ZNF532: variants seen among roughly 807,000 people sequenced by gnomAD.
ZNF532 encodes zinc finger protein 532.
A neutral mutation model predicts 89.3 loss-of-function variants in ZNF532; 22 were observed. The observed-to-expected ratio is 0.25, with a 90% CI of 0.18 to 0.35. ZNF532 has a LOEUF of 0.35. Among genes scored for constraint, ZNF532 ranks in the 10% least tolerant of loss-of-function variants. The pLI is 1.00. For synonymous variants in ZNF532, 606 were observed against 649.6 expected (o/e 0.93, Z 1.02); for missense variants, 1,132 against 1,643.4 (o/e 0.69, Z 5.38).
intron 2 of ZNF532, among the ~76,000 whole-genome samples, chr18:58,903,254 C>A (rs1037104493): frequency 6.6e-6 from 1 of 152,064 alleles, no homozygotes; most frequent in South Asian, 2.1e-4. Flanking sequence ...CATTCCAGGT[C>A]AGAGGCTATC....
chr18:58,978,984 CA>C (rs765920081), intron 7 of ZNF532, 70 bp from the exon 8 acceptor site: 12 of 1,259,894 alleles, frequency 9.5e-6, no homozygotes, highest in Non-Finnish European at 1.1e-5. Context: ...TAAACTATTA[CA>C]AAAGAGTTCT....
chr18:58,905,418 T>A (rs1568285039), intron 2 of ZNF532, among the ~76,000 whole-genome samples: 2 of 151,104 alleles, frequency 1.3e-5, no homozygotes, highest in Non-Finnish European at 3.0e-5. Context: ...TTTTTTTTTT[T>A]AAGACAAGGT....
intron 2 of ZNF532, among the ~76,000 whole-genome samples, chr18:58,869,785 G>A (rs78888426): frequency 8.4e-6 from 1 of 119,080 alleles, no homozygotes; most frequent in Non-Finnish European, 1.6e-5. Context: ...TTTTTTTTTG[G>A]AGTTGGAGTC....
chr18:58,900,937 T>C (rs1430379563), intron 2 of ZNF532, among the ~76,000 whole-genome samples: 1 of 149,770 alleles, frequency 6.7e-6, no homozygotes, highest in South Asian at 2.1e-4. Context: ...CTATTTAAAT[T>C]AAAAAAAAAA....
intron 2 of ZNF532, among the ~76,000 whole-genome samples, chr18:58,870,806 T>TG (rs2144586416): frequency 6.6e-6 from 1 of 152,206 alleles, no homozygotes; most frequent in East Asian, 1.9e-4. Context: ...GGTGGCTGTC[T>TG]GGGGGTTGCT....
intron 2 of ZNF532, among the ~76,000 whole-genome samples, chr18:58,908,197 T>A (rs1022464939): frequency 9.9e-5 from 15 of 152,130 alleles, no homozygotes; most frequent in African/African-American, 3.6e-4. Context: ...AGGTGGAAAA[T>A]TTTTGGACAC....
At chr18:58,874,713 A>G (rs2057293174) in intron 2 of ZNF532, among the ~76,000 whole-genome samples, 1 of 152,308 alleles carries the variant, frequency 6.6e-6, no homozygotes, top group Admixed American at 6.5e-5. Context: ...GAGTGGCTGT[A>G]CTTTAGGTTG....
At chr18:58,944,625 C>G (rs1473031359) in intron 5 of ZNF532, among the ~76,000 whole-genome samples, 1 of 152,128 alleles carries the variant, frequency 6.6e-6, no homozygotes, top group Non-Finnish European at 1.5e-5. Flanking sequence ...GCTGCCCCTC[C>G]TCTCTGCCTG....
At chr18:58,870,436 C>T (rs936434723) in intron 2 of ZNF532, among the ~76,000 whole-genome samples, 3 of 152,078 alleles carry the variant, frequency 2.0e-5, no homozygotes, top group Admixed American at 6.6e-5. Flanking sequence ...ATGCAGCACA[C>T]GTGGAAAGGT....
At chr18:58,954,711 CTTT>C (rs11416830) in intron 7 of ZNF532, among the ~76,000 whole-genome samples, 3 of 106,334 alleles carry the variant, frequency 2.8e-5, no homozygotes, top group Non-Finnish European at 2.0e-5. Context: ...GAATTTGCTA[CTTT>C]TTTTTTTTTT....
At position 58,870,009 on chromosome 18, in the gene ZNF532, G is replaced by T. The variant is rs902286854; in HGVS notation, c.-18+4430G>T. ...TCTCGAACTCCTGACCTTGTGATCC[G>T]CCCGCCTCAACCTCCCAGAGTGCTG... is the stretch of plus-strand genomic sequence containing the variant. On this transcript the variant is annotated intron_variant, in intron 2 of 9. Transcript: ENST00000591808. Among the ~76,000 whole-genome samples the T allele has an allele frequency of 2.2e-4, 33 of 149,580 alleles. 1 individual carries two copies. The East Asian group carries it at 6.5e-3, about 29-fold the overall frequency.
chr18:58,981,755 A>C (rs543248719), intron 9 of ZNF532, 138 bp downstream of exon 9: 6 of 1,149,166 alleles, frequency 5.2e-6, no homozygotes, highest in East Asian at 5.3e-5. Context: ...GCTCATGCCC[A>C]CCACTTTGGG....
At chr18:58,917,765 A>G (rs977834444) in intron 2 of ZNF532, among the ~76,000 whole-genome samples, 4 of 151,940 alleles carry the variant, frequency 2.6e-5, no homozygotes, top group Non-Finnish European at 2.9e-5. Context: ...GTAGCTGTGG[A>G]TGCTGATTTC....
At chr18:58,890,375 T>C (rs1006207212) in intron 2 of ZNF532, among the ~76,000 whole-genome samples, 3 of 152,076 alleles carry the variant, frequency 2.0e-5, no homozygotes, top group African/African-American at 4.8e-5. Context: ...TTTGCTCTTC[T>C]TCTACCCAGA....
At chr18:58,921,995 T>A (rs2061129078) in intron 3 of ZNF532, among the ~76,000 whole-genome samples, 1 of 151,994 alleles carries the variant, frequency 6.6e-6, no homozygotes, top group Non-Finnish European at 1.5e-5. Context: ...TGGTCCCAGC[T>A]ACTTGGGAGG....
At chr18:58,964,769 ATT>A (rs1037954602) in intron 7 of ZNF532, among the ~76,000 whole-genome samples, 1 of 151,154 alleles carries the variant, frequency 6.6e-6, no homozygotes, top group Non-Finnish European at 1.5e-5. Context: ...ATTGATTTTC[ATT>A]TTTTTGTAGG....
rs916207888 is a variant in ZNF532 at position 58,984,598 on chromosome 18, T to C, written c.*132T>C. Reference sequence around the variant, plus strand: ...GCAATATATTCTCTTTCAATGTACCTTCCTTCACCTCGTCGTATATATCCT... The same window carrying C: ...GCAATATATTCTCTTTCAATGTACCCTCCTTCACCTCGTCGTATATATCCT... On this transcript the variant is annotated 3_prime_UTR_variant, in exon 10 of 10. Transcript: ENST00000591808. 1.4e-5 allele frequency: 15 copies of C among 1,092,314 alleles called. No homozygotes were observed. The highest frequency in any genetic ancestry group is 2.9e-5 in the Admixed American group (1 of 34,574). 67.7% of individuals were successfully genotyped at this position (1,092,314 alleles called of 1,614,324 possible).
At chr18:58,924,366 A>G (rs1603148608) in intron 3 of ZNF532, among the ~76,000 whole-genome samples, 1 of 152,334 alleles carries the variant, frequency 6.6e-6, no homozygotes, top group African/African-American at 2.4e-5. Context: ...GGGTCTGCAC[A>G]TTAGTGTCTA....
intron 2 of ZNF532, among the ~76,000 whole-genome samples, chr18:58,888,713 A>AAAAT (rs1555708864): frequency 5.6e-5 from 1 of 17,702 alleles, no homozygotes; most frequent in Non-Finnish European, 1.1e-4. Flanking sequence ...ATATATATAT[A>AAAAT]TATATATATA....
Sources: allele counts gnomAD v4.1 joint callset (sites outside exome capture counted in the v4.1 genomes callset), GRCh38; gene constraint gnomAD v4.1.1; transcripts MANE v1.5; gene names NCBI Gene and HGNC (gene_info 2026-07-23, HGNC 2026-07-21).